Variants in DRC8 observed in about 807,000 individuals in gnomAD.
The protein encoded by DRC8 is dynein regulatory complex protein 8.
chr1:245,094,871 T>C, the DRC8 span, among the ~76,000 whole-genome samples: 1 of 152,234 alleles, frequency 6.6e-6, no homozygotes, highest in Admixed American at 6.5e-5. Flanking sequence ...AATGCTTTGC[T>C]TCATCTCTTC....
the DRC8 span, among the ~76,000 whole-genome samples, chr1:245,069,362 G>T: frequency 6.6e-6 from 1 of 152,158 alleles, no homozygotes; most frequent in South Asian, 2.1e-4. Flanking sequence ...AAGTGGAAGT[G>T]GGTCATCATA....
At chr1:244,975,979 T>TA in the DRC8 span, among the ~76,000 whole-genome samples, 2 of 151,924 alleles carry the variant, frequency 1.3e-5, no homozygotes, top group African/African-American at 4.8e-5. Flanking sequence ...ACATAAAACA[T>TA]AAGAGTTGGC....
the DRC8 span, among the ~76,000 whole-genome samples, chr1:245,105,351 T>TTA: frequency 6.6e-6 from 1 of 152,074 alleles, no homozygotes; most frequent in African/African-American, 2.4e-5. Context: ...GATTTTTTTT[T>TTA]AAAAAGATTC....
the DRC8 span, chr1:245,082,046 G>C: frequency 2.6e-6 from 4 of 1,517,998 alleles, no homozygotes; most frequent in South Asian, 4.5e-5. Context: ...TACATTTGTT[G>C]AATGACTAAA....
the DRC8 span, chr1:245,086,833 A>T: frequency 1.9e-6 from 1 of 533,628 alleles, no homozygotes. Context: ...GGCAGCCAGC[A>T]TGTGGATCCA....
At chr1:244,981,885 G>A in the DRC8 span, among the ~76,000 whole-genome samples, 12 of 152,158 alleles carry the variant, frequency 7.9e-5, no homozygotes, top group African/African-American at 2.4e-4. Context: ...TTCAGTGGCC[G>A]CTAGTCTGGT....
chr1:245,088,220 TTATATGGCAAC>T, the DRC8 span, among the ~76,000 whole-genome samples: 1 of 151,994 alleles, frequency 6.6e-6, no homozygotes, highest in Non-Finnish European at 1.5e-5. The surrounding 1 kb of genome is among the most constrained non-coding windows in gnomAD (Gnocchi z 4.6). Flanking sequence ...TCTTGGCATC[TTATATGGCAAC>T]TATATGGCAA....
the DRC8 span, chr1:245,017,372 C>G: frequency 3.3e-6 from 5 of 1,538,420 alleles, no homozygotes; most frequent in Non-Finnish European, 4.4e-6. Context: ...ATTACTGATA[C>G]AAGTCATAAG....
At chr1:244,992,945 CT>C in the DRC8 span, among the ~76,000 whole-genome samples, 246 of 152,250 alleles carry the variant, frequency 1.6e-3, 2 homozygotes, top group African/African-American at 5.8e-3. Context: ...ACTCACATGA[CT>C]TTTGGCAGGA....
the DRC8 span, chr1:245,091,055 T>C: frequency 2.0e-4 from 30 of 152,128 alleles, 1 homozygote; most frequent in African/African-American, 2.4e-5. Flanking sequence ...CAAGGTAAAA[T>C]CCAAATAGAG....
the DRC8 span, among the ~76,000 whole-genome samples, chr1:245,081,175 T>A: frequency 7.9e-5 from 12 of 151,060 alleles, no homozygotes; most frequent in African/African-American, 2.2e-4. Context: ...ATATATATAT[T>A]TTTTGAGACG....
chr1:245,100,154 G>A, the DRC8 span, among the ~76,000 whole-genome samples: 32 of 152,294 alleles, frequency 2.1e-4, no homozygotes, highest in Non-Finnish European at 2.4e-4. Flanking sequence ...GGAGGCCGAG[G>A]CGGGTGGATC....
the DRC8 span, among the ~76,000 whole-genome samples, chr1:245,098,212 G>A: frequency 6.6e-6 from 1 of 152,204 alleles, no homozygotes; most frequent in Non-Finnish European, 1.5e-5. Flanking sequence ...TATTCGTTAA[G>A]GTTGAGGGGG....
At chr1:244,999,078 A>G in the DRC8 span, among the ~76,000 whole-genome samples, 2 of 150,426 alleles carry the variant, frequency 1.3e-5, no homozygotes, top group Non-Finnish European at 1.5e-5. Context: ...AAAAAAAAAA[A>G]AAAAGAAAGA....
the DRC8 span, among the ~76,000 whole-genome samples, chr1:245,073,752 T>C: frequency 6.6e-6 from 1 of 152,160 alleles, no homozygotes; most frequent in Non-Finnish European, 1.5e-5. Context: ...TATAGCATTG[T>C]ATTAATGAAT....
chr1:245,008,611 A>G, the DRC8 span, among the ~76,000 whole-genome samples: 1 of 152,120 alleles, frequency 6.6e-6, no homozygotes, highest in East Asian at 1.9e-4. Flanking sequence ...TTAAAAAATC[A>G]AAATATGAAC....
At chr1:245,027,730 A>C in the DRC8 span, among the ~76,000 whole-genome samples, 1 of 152,206 alleles carries the variant, frequency 6.6e-6, no homozygotes, top group African/African-American at 2.4e-5. Flanking sequence ...ACAAGGTAGA[A>C]TGTTCATACT....
chr1:245,034,467 G>C, the DRC8 span, among the ~76,000 whole-genome samples: 4 of 151,830 alleles, frequency 2.6e-5, no homozygotes, highest in African/African-American at 9.7e-5. Context: ...CAGGCATGGT[G>C]GCATGCACCT....
chr1:245,037,146 C>G, the DRC8 span, among the ~76,000 whole-genome samples: 1 of 152,160 alleles, frequency 6.6e-6, no homozygotes, highest in Non-Finnish European at 1.5e-5. Context: ...TACTTCATCT[C>G]TTTCAGAGAA....
Sources: allele counts gnomAD v4.1 joint callset (sites outside exome capture counted in the v4.1 genomes callset), GRCh38; gene constraint gnomAD v4.1.1; non-coding constraint Gnocchi (gnomAD v3.1); transcripts MANE v1.5; gene names NCBI Gene and HGNC (gene_info 2026-07-23, HGNC 2026-07-21).